FARP1: variants seen among roughly 807,000 people sequenced by gnomAD.
The protein encoded by FARP1 is FERM, ARHGEF and pleckstrin domain-containing protein 1.
In FARP1, 52 loss-of-function variants were observed where a neutral mutation model predicts 128.8. The observed-to-expected ratio is 0.40, with a 90% confidence interval of 0.32 to 0.51. FARP1 has a LOEUF of 0.51. Ranked by LOEUF, FARP1 falls within the 20% of genes least tolerant of loss-of-function variation. The pLI is 0.45. For synonymous variants in FARP1, 580 were observed against 551.8 expected (o/e 1.05, Z -0.72); for missense variants, 1,333 against 1,367.9 (o/e 0.97, Z 0.40).
intron 13 of FARP1, chr13:98,400,239 A>G (rs564296560): frequency 6.6e-6 from 1 of 152,378 alleles, no homozygotes; most frequent in South Asian, 2.1e-4. Flanking sequence ...CAAATATACA[A>G]AATCCAGTCT....
intron 1 of FARP1, among the ~76,000 whole-genome samples, chr13:98,184,056 C>CT (rs1333450569): frequency 2.0e-5 from 3 of 152,114 alleles, no homozygotes; most frequent in Non-Finnish European, 4.4e-5. Context: ...TAGATTTTAA[C>CT]TTTTAAAATA....
At chr13:98,287,933 C>G (rs1885269190) in intron 2 of FARP1, among the ~76,000 whole-genome samples, 1 of 151,944 alleles carries the variant, frequency 6.6e-6, no homozygotes, top group South Asian at 2.1e-4. Context: ...TCCCGAGTAG[C>G]TGGGACTACG....
At chr13:98,231,975 T>C (rs1362644122) in intron 2 of FARP1, among the ~76,000 whole-genome samples, 3 of 151,770 alleles carry the variant, frequency 2.0e-5, no homozygotes, top group Non-Finnish European at 4.4e-5. Context: ...TTACAGGTAC[T>C]CGTCACCACG....
At position 98,446,196 on chromosome 13, in the gene FARP1, A is replaced by G. The variant is rs778009301; in HGVS notation, c.2895A>G (p.Lys965=). The change falls in exon 25 of 27, where the codon AAA becomes AAG. Residue 965 remains lysine, a synonymous_variant. Coordinates refer to ENST00000319562, the MANE Select transcript of FARP1 (RefSeq NM_005766.4). ...CAAACTTCTGCCTGTTCTTCTACAA[A>G]TCACACCAGGTAAGTGTCTCGCACA... ...VFTNFCLFFY[K]SHQDNHPLAS... The G allele has an allele frequency of 6.2e-7, 1 of 1,610,874 alleles. No individual in the cohort carries two copies. Among genetic ancestry groups the G allele is most frequent in the Admixed American group, 1.7e-5 (1 of 59,976 alleles).
intron 3 of FARP1, among the ~76,000 whole-genome samples, chr13:98,355,048 T>C (rs1268855103): frequency 6.6e-6 from 1 of 152,194 alleles, no homozygotes; most frequent in African/African-American, 2.4e-5. Context: ...GAAACCATTT[T>C]TAAAATTTTA....
At chr13:98,435,206 G>A (rs1419238622) in intron 18 of FARP1, among the ~76,000 whole-genome samples, 2 of 152,038 alleles carry the variant, frequency 1.3e-5, no homozygotes, top group Admixed American at 6.5e-5. Flanking sequence ...TGTGCTCACT[G>A]TGCCTTGTTC....
At chr13:98,433,240 C>T (rs1288003171) in intron 18 of FARP1, 1 of 152,202 alleles carries the variant, frequency 6.6e-6, no homozygotes, top group Non-Finnish European at 1.5e-5. Flanking sequence ...AGGAGGGAAA[C>T]AGTGATACCA....
chr13:98,448,369 T>C lies in FARP1; in HGVS notation c.*52T>C, dbSNP rs1253341095. ...GGCTGCTTTCCTGGAAGACGTTTCC[T>C]TTCTTCTGTATTAATGAAGCCTGGT... On this transcript the variant is annotated 3_prime_UTR_variant, in exon 27 of 27. Coordinates refer to ENST00000319562, the MANE Select transcript of FARP1 (RefSeq NM_005766.4). 3 of 1,382,880 alleles carry C rather than the reference T, an allele frequency of 2.2e-6. No homozygotes were observed. The highest frequency in any genetic ancestry group is 3.1e-6 in the Non-Finnish European group (3 of 968,930). The allele number at this position is 1,382,880 out of a possible 1,614,324, so 85.7% of individuals were successfully genotyped here.
intron 2 of FARP1, among the ~76,000 whole-genome samples, chr13:98,242,531 T>TAGC (rs1421066916): frequency 6.6e-6 from 1 of 152,024 alleles, no homozygotes; most frequent in African/African-American, 2.4e-5. Flanking sequence ...ATTTAAAAGG[T>TAGC]AGCCACGTGT....
chr13:98,149,755 T>TTTTA (rs1491365374), intron 1 of FARP1, among the ~76,000 whole-genome samples: 1 of 80,088 alleles, frequency 1.2e-5, no homozygotes, highest in African/African-American at 3.6e-5. Context: ...TTTTTTTTTT[T>TTTTA]GAGACGGAGT....
chr13:98,222,049 G>T (rs1218838814), intron 2 of FARP1, among the ~76,000 whole-genome samples: 1 of 152,176 alleles, frequency 6.6e-6, no homozygotes, highest in Admixed American at 6.5e-5. Flanking sequence ...CTTAGTTTGG[G>T]ATTTCTCTTC....
chr13:98,418,820 T>C (rs1891484102), intron 16 of FARP1, among the ~76,000 whole-genome samples: 1 of 152,194 alleles, frequency 6.6e-6, no homozygotes, highest in Non-Finnish European at 1.5e-5. Context: ...TGTGCCCTGT[T>C]GATAACAGGA....
intron 11 of FARP1, 151 bp downstream of exon 11, chr13:98,391,031 G>C (rs1363754562): frequency 1.7e-5 from 11 of 632,076 alleles, no homozygotes; most frequent in Non-Finnish European, 3.1e-5. Context: ...AGCAAGTCCA[G>C]TGTTAGAGAG....
chr13:98,165,710 G>GTTT (rs71111927), intron 1 of FARP1, among the ~76,000 whole-genome samples: 1,091 of 74,082 alleles, frequency 0.015, 105 homozygotes, highest in East Asian at 0.03. Flanking sequence ...TCCAGAAGGG[G>GTTT]TTTTTTTTTT....
chr13:98,274,080 C>G (rs1884517030), intron 2 of FARP1, among the ~76,000 whole-genome samples: 2 of 152,142 alleles, frequency 1.3e-5, no homozygotes, highest in South Asian at 4.1e-4. Context: ...CAACCACCCT[C>G]TCCACCAGCA....
chr13:98,158,236 G>A (rs189283029), intron 1 of FARP1, among the ~76,000 whole-genome samples: 2 of 151,964 alleles, frequency 1.3e-5, no homozygotes, highest in Admixed American at 6.6e-5. Flanking sequence ...TATTTTTTTC[G>A]GAGTGCATGA....
At chr13:98,160,651 T>A (rs1291222747) in intron 1 of FARP1, among the ~76,000 whole-genome samples, 3 of 152,098 alleles carry the variant, frequency 2.0e-5, no homozygotes, top group East Asian at 1.9e-4. Flanking sequence ...GCCTTATTTT[T>A]AAAAATTTTT....
chr13:98,296,214 A>G (rs1180509876), intron 2 of FARP1, among the ~76,000 whole-genome samples: 1 of 152,138 alleles, frequency 6.6e-6, no homozygotes, highest in African/African-American at 2.4e-5. Context: ...TCCCATTATC[A>G]ATCAACTGGG....
intron 1 of FARP1, among the ~76,000 whole-genome samples, chr13:98,169,352 A>G (rs987470047): frequency 1.1e-4 from 17 of 152,148 alleles, no homozygotes; most frequent in African/African-American, 4.1e-4. Context: ...GATTTACTGC[A>G]TTGTTTTGGT....
Sources: gnomAD v4.1 joint callset for allele counts (sites outside exome capture counted in the v4.1 genomes callset) on GRCh38, gnomAD v4.1.1 for gene constraint, MANE v1.5 for transcripts, NCBI Gene and HGNC (gene_info 2026-07-23, HGNC 2026-07-21) for gene names.